PRIM2: variants seen among roughly 807,000 people sequenced by gnomAD.
PRIM2 encodes the protein DNA primase subunit 2, also known as DNA primase large subunit.
PRIM2 carries 39 observed loss-of-function variants against 67.3 expected under a neutral mutation model. That is an observed-to-expected ratio of 0.58 (90% confidence interval 0.45 to 0.76). The LOEUF is 0.76. PRIM2 is among the 30% of genes least tolerant of loss of function. PRIM2 has a pLI of 0.00. For synonymous variants in PRIM2, 143 were observed against 198.7 expected, an observed-to-expected ratio of 0.72 and a Z score of 2.36; for missense variants, 398 against 598.7, an observed-to-expected ratio of 0.66 and a Z score of 3.50.
intron 7 of PRIM2, among the ~76,000 whole-genome samples, chr6:57,460,734 C>T (rs1260366261): frequency 4.6e-5 from 7 of 151,982 alleles, no homozygotes; most frequent in Non-Finnish European, 1.5e-5. Flanking sequence ...TATAAGACTA[C>T]TTCTAAGCTG....
chr6:57,423,490 C>T (rs79317740), intron 7 of PRIM2, among the ~76,000 whole-genome samples: 5,023 of 152,176 alleles, frequency 0.033, 275 homozygotes, highest in African/African-American at 0.11. Flanking sequence ...GGAGGGATGG[C>T]GACCTTGCCA....
chr6:57,526,310 C>A (rs1774751892), intron 8 of PRIM2, among the ~76,000 whole-genome samples: 1 of 152,130 alleles, frequency 6.6e-6, no homozygotes, highest in Non-Finnish European at 1.5e-5. Context: ...TCACCTGATA[C>A]TTTAGCAAAT....
At chr6:57,502,563 CTCTCATAA>C (rs1390592127) in intron 7 of PRIM2, among the ~76,000 whole-genome samples, 3 of 152,162 alleles carry the variant, frequency 2.0e-5, no homozygotes, top group African/African-American at 7.2e-5. Flanking sequence ...CATGCTTCTC[CTCTCATAA>C]ATATTCATGA....
the PRIM2 span, among the ~76,000 whole-genome samples, chr6:57,250,953 C>T: frequency 0.96 from 145,523 of 152,294 alleles, 69,558 homozygotes; most frequent in African/African-American, 0.99. Flanking sequence ...TCAACTGATA[C>T]AACGCAAATA....
chr6:57,364,974 A>G (rs1173589176), intron 5 of PRIM2, among the ~76,000 whole-genome samples: 17 of 152,204 alleles, frequency 1.1e-4, no homozygotes, highest in Admixed American at 1.1e-3. Context: ...AACTGCTAAT[A>G]GCACGGAGCC....
intron 7 of PRIM2, among the ~76,000 whole-genome samples, chr6:57,423,521 G>A (rs1366137447): frequency 6.6e-6 from 1 of 152,206 alleles, no homozygotes; most frequent in African/African-American, 2.4e-5. Context: ...CATGAGTGCA[G>A]TGGATGAGCT....
At chr6:57,256,679 A>G in the PRIM2 span, among the ~76,000 whole-genome samples, 1 of 149,624 alleles carries the variant, frequency 6.7e-6, no homozygotes, top group African/African-American at 2.5e-5. Flanking sequence ...ATGCAGGCAC[A>G]CACACACAGT....
the PRIM2 span, among the ~76,000 whole-genome samples, chr6:57,239,250 C>T: frequency 1.3e-3 from 193 of 152,282 alleles, 1 homozygote; most frequent in African/African-American, 4.4e-3. Context: ...CTTGGCCTCC[C>T]AAAGTGCTAG....
intron 12 of PRIM2, among the ~76,000 whole-genome samples, chr6:57,607,808 T>C (rs1776589899): frequency 6.6e-6 from 1 of 152,194 alleles, no homozygotes; most frequent in Non-Finnish European, 1.5e-5. Context: ...ATGTCTGCAT[T>C]TAAATGGTAT....
chr6:57,251,632 T>C, the PRIM2 span, among the ~76,000 whole-genome samples: 5 of 152,198 alleles, frequency 3.3e-5, no homozygotes, highest in Non-Finnish European at 5.9e-5. Flanking sequence ...TAGTCATTCT[T>C]GTGGGTTGGG....
At chr6:57,329,092 G>A (rs745807245) in intron 5 of PRIM2, among the ~76,000 whole-genome samples, 2 of 151,498 alleles carry the variant, frequency 1.3e-5, no homozygotes, top group Non-Finnish European at 2.9e-5. Flanking sequence ...CCACTCTGAA[G>A]GTTGTCTTTT....
At chr6:57,620,086 C>G (rs1254613294) in intron 12 of PRIM2, among the ~76,000 whole-genome samples, 1 of 152,116 alleles carries the variant, frequency 6.6e-6, no homozygotes, top group Non-Finnish European at 1.5e-5. Flanking sequence ...GTCCCAGCTA[C>G]TTGGGAGGCT....
the PRIM2 span, among the ~76,000 whole-genome samples, chr6:57,224,178 G>A: frequency 1.3e-5 from 2 of 152,196 alleles, no homozygotes. Context: ...AGGTATCCCT[G>A]TAATCCCAGC....
chr6:57,266,104 T>C, the PRIM2 span, among the ~76,000 whole-genome samples: 3 of 152,188 alleles, frequency 2.0e-5, no homozygotes, highest in African/African-American at 7.2e-5. Context: ...AAAGGAAAAC[T>C]GCAATTTGCT....
chr6:57,513,645 G>A (rs1774416137), intron 8 of PRIM2, among the ~76,000 whole-genome samples: 1 of 152,212 alleles, frequency 6.6e-6, no homozygotes, highest in South Asian at 2.1e-4. Flanking sequence ...TGTAAACCCA[G>A]CACTTTGGGA....
At chr6:57,528,881 A>G (rs1483830939) in intron 8 of PRIM2, among the ~76,000 whole-genome samples, 1 of 152,188 alleles carries the variant, frequency 6.6e-6, no homozygotes, top group Non-Finnish European at 1.5e-5. Context: ...CACTTTGGAT[A>G]CATTATTTCA....
At chr6:57,589,623 C>G (rs1416466012) in intron 10 of PRIM2, among the ~76,000 whole-genome samples, 1 of 152,072 alleles carries the variant, frequency 6.6e-6, no homozygotes, top group Non-Finnish European at 1.5e-5. Flanking sequence ...ATAAGCAGAC[C>G]GCTGTGCATC....
intron 10 of PRIM2, among the ~76,000 whole-genome samples, chr6:57,592,918 G>T (rs1776306223): frequency 6.6e-6 from 1 of 152,094 alleles, no homozygotes; most frequent in African/African-American, 2.4e-5. Flanking sequence ...CATAGTGTTT[G>T]AATAGATTTG....
At chr6:57,405,125 A>C (rs1339405664) in intron 7 of PRIM2, among the ~76,000 whole-genome samples, 5 of 152,008 alleles carry the variant, frequency 3.3e-5, no homozygotes, top group Admixed American at 3.3e-4. Flanking sequence ...TTCAGTTGCT[A>C]GGAAACAGCT....
Sources: allele counts gnomAD v4.1 joint callset (sites outside exome capture counted in the v4.1 genomes callset), GRCh38; gene constraint gnomAD v4.1.1; transcripts MANE v1.5; gene names NCBI Gene and HGNC (gene_info 2026-07-23, HGNC 2026-07-21).